Variants in SYTL2 observed in about 807,000 individuals in gnomAD.
The protein encoded by SYTL2 is synaptotagmin-like protein 2.
In SYTL2, 165 loss-of-function variants were observed where a neutral mutation model predicts 198.7. The observed-to-expected ratio is 0.83, with a 90% CI of 0.73 to 0.94. The LOEUF (loss-of-function observed/expected upper bound fraction) is 0.94, where lower values mean the gene tolerates loss of function less well. Among genes scored for constraint, SYTL2 ranks in the 40% least tolerant of loss-of-function variants. The pLI, the probability that SYTL2 is intolerant of heterozygous loss-of-function variation, is 0.00. For synonymous variants in SYTL2, 966 were observed against 917.7 expected, an observed-to-expected ratio of 1.05 and a Z score of -0.95; for missense variants, 2,835 against 2,582.8, an observed-to-expected ratio of 1.10 and a Z score of -2.12.
At chr11:85,848,481 T>G in the SYTL2 span, among the ~76,000 whole-genome samples, 1 of 152,164 alleles carries the variant, frequency 6.6e-6, no homozygotes, top group Admixed American at 6.5e-5. Flanking sequence ...TGGTTTTTGG[T>G]CTGAGTGAAG....
In SYTL2 at chr11:85,694,541, CCAA is replaced by C. The variant is rs2083172004; in HGVS notation, c.*651_*653del. On this transcript the variant is annotated 3_prime_UTR_variant, in exon 20 of 20. Transcript: ENST00000359152. ...TATTTTAGAATTAAGTCAAAACAAG[CCAA>C]CAACTGAATTGTACCTATGGCCAGT... The C allele has an allele frequency of 1.3e-5, 2 of 152,276 alleles. No individual in the cohort carries two copies. Among genetic ancestry groups the C allele is most frequent in the South Asian group, 4.1e-4 (2 of 4,828 alleles). The allele number at this position is 152,276 out of a possible 1,614,324, so 9.4% of individuals were successfully genotyped here. A position where few individuals can be genotyped will look rare whatever the true frequency, so the allele number is the denominator to read the frequency against.
rs770162935 is a variant in SYTL2, at chr11:85,734,078, T to C, written c.1251A>G (p.Pro417=). The change falls in exon 7 of 20, where the codon CCA becomes CCG. Residue 417 remains proline (P), a synonymous_variant. Coordinates refer to ENST00000359152, the MANE Select transcript of SYTL2 (RefSeq NM_206927.4). ...THQPMTSGSF[P]INGLHSHSEV... The stretch of plus-strand genomic sequence containing the variant: ...CTGAATGAGAATGCAGCCCATTAAT[T>C]GGAAAAGAACCAGAAGTCATTGGCT... The C allele has an allele frequency of 6.2e-7, 1 of 1,614,190 alleles. No homozygotes were observed.
At chr11:85,829,272 T>C in the SYTL2 span, among the ~76,000 whole-genome samples, 1 of 152,084 alleles carries the variant, frequency 6.6e-6, no homozygotes, top group African/African-American at 2.4e-5. Flanking sequence ...ATTGTTCCCA[T>C]CTTTATGTTT....
intron 9 of SYTL2, 22 bp downstream of exon 9, chr11:85,720,836 G>C: frequency 6.4e-7 from 1 of 1,555,638 alleles, no homozygotes; most frequent in Non-Finnish European, 8.9e-7. Flanking sequence ...GGCATGAACA[G>C]TGAGGCGAAC....
At chr11:85,846,894 C>A in the SYTL2 span, among the ~76,000 whole-genome samples, 3 of 151,872 alleles carry the variant, frequency 2.0e-5, no homozygotes, top group Admixed American at 2.0e-4. Context: ...ACCACCACAC[C>A]CAGCTAATTT....
intron 5 of SYTL2, among the ~76,000 whole-genome samples, chr11:85,737,272 A>G (rs2090423438): frequency 6.6e-6 from 1 of 152,212 alleles, no homozygotes; most frequent in Admixed American, 6.5e-5. Flanking sequence ...AAGGACTGAC[A>G]TGGAACTAAC....
the SYTL2 span, among the ~76,000 whole-genome samples, chr11:85,835,816 C>A: frequency 6.6e-6 from 1 of 152,136 alleles, no homozygotes; most frequent in African/African-American, 2.4e-5. Flanking sequence ...CTCCTGCCTG[C>A]AGGGGAGGGC....
intron 18 of SYTL2, among the ~76,000 whole-genome samples, chr11:85,697,192 T>C (rs1591523669): frequency 6.6e-6 from 1 of 152,114 alleles, no homozygotes; most frequent in African/African-American, 2.4e-5. Context: ...GCTACTTAGA[T>C]ATATGTCACA....
At chr11:85,787,104 A>T (rs1321668785) in intron 1 of SYTL2, among the ~76,000 whole-genome samples, 2 of 152,200 alleles carry the variant, frequency 1.3e-5, no homozygotes, top group African/African-American at 2.4e-5. Context: ...GCCTGGGGAG[A>T]GGATCCGAGC....
chr11:85,796,199 C>A (rs1242955806), intron 1 of SYTL2, among the ~76,000 whole-genome samples: 2 of 152,128 alleles, frequency 1.3e-5, no homozygotes, highest in African/African-American at 4.8e-5. Context: ...AGACTCTGGG[C>A]AAATATTTAA....
chr11:85,849,803 G>C, the SYTL2 span, among the ~76,000 whole-genome samples: 4 of 138,034 alleles, frequency 2.9e-5, no homozygotes, highest in Admixed American at 3.0e-4. Context: ...CTTTAAAGTA[G>C]TTTTTTCCAA....
Position 85,709,519 on chromosome 11 carries a change from C to T in SYTL2, c.5746-19G>A, listed in dbSNP as rs2085874184. 1 of 1,610,814 alleles carries T rather than the reference C, an allele frequency of 6.2e-7. No individual in the cohort carries two copies. Among genetic ancestry groups the T allele is most frequent in the African/African-American group, 1.3e-5 (1 of 74,890 alleles). ...CACTCACCTGAAAGCATCAGAAATA[C>T]ATAGTGTTTGTCTCTATCTCATTCT... On this transcript the variant is annotated intron_variant, in intron 13 of 19. Transcript: ENST00000359152.
At chr11:85,728,797 G>A (rs976417230) in intron 7 of SYTL2, among the ~76,000 whole-genome samples, 2 of 152,088 alleles carry the variant, frequency 1.3e-5, no homozygotes, top group Non-Finnish European at 2.9e-5. Context: ...GACTAAACAA[G>A]GAATTTTATC....
intron 1 of SYTL2, among the ~76,000 whole-genome samples, chr11:85,765,322 C>T (rs1210317593): frequency 2.0e-5 from 3 of 152,130 alleles, no homozygotes; most frequent in Non-Finnish European, 1.5e-5. Context: ...CTGCAACCGC[C>T]GCCTCCCAGG....
chr11:85,716,826 T>C (rs2087352668), intron 11 of SYTL2, among the ~76,000 whole-genome samples: 1 of 152,078 alleles, frequency 6.6e-6, no homozygotes, highest in Admixed American at 6.6e-5. Context: ...AATCTTAAGA[T>C]TGAACAGAAA....
At chr11:85,718,661 T>G (rs2087760220) in intron 10 of SYTL2, 129 bp downstream of exon 10, 2 of 734,006 alleles carry the variant, frequency 2.7e-6, no homozygotes, top group East Asian at 5.3e-5. Flanking sequence ...TATAGTAACT[T>G]AGGCACTATT....
At chr11:85,796,224 A>G (rs1469189819) in intron 1 of SYTL2, among the ~76,000 whole-genome samples, 1 of 152,120 alleles carries the variant, frequency 6.6e-6, no homozygotes, top group Non-Finnish European at 1.5e-5. Context: ...TCCAAGTCTA[A>G]TTTTTCTTAT....
intron 7 of SYTL2, among the ~76,000 whole-genome samples, chr11:85,730,252 C>A (rs895404280): frequency 2.6e-5 from 4 of 152,188 alleles, no homozygotes; most frequent in African/African-American, 4.8e-5. Flanking sequence ...GTGGGGCCAA[C>A]ATCAACCTGA....
At chr11:85,761,569 C>T (rs2092096964) in intron 1 of SYTL2, among the ~76,000 whole-genome samples, 1 of 152,156 alleles carries the variant, frequency 6.6e-6, no homozygotes, top group South Asian at 2.1e-4. Context: ...TAAAGAAAGC[C>T]AGACAAAAAG....
Sources: allele counts gnomAD v4.1 joint callset (sites outside exome capture counted in the v4.1 genomes callset), GRCh38; gene constraint gnomAD v4.1.1; transcripts MANE v1.5; gene names NCBI Gene and HGNC (gene_info 2026-07-23, HGNC 2026-07-21).